THRB: variants seen among roughly 807,000 people sequenced by gnomAD.
The protein encoded by THRB is thyroid hormone receptor beta, also known as nuclear receptor subfamily 1 group A member 2.
In THRB, 12 loss-of-function variants were observed where a neutral mutation model predicts 47.8. The ratio of observed to expected loss-of-function variants is 0.25; its 90% CI spans 0.16 to 0.41. The LOEUF (loss-of-function observed/expected upper bound fraction) is 0.41, where lower values mean the gene tolerates loss of function less well. Among genes scored for constraint, THRB ranks in the 10% least tolerant of loss-of-function variants. The probability of loss-of-function intolerance (pLI) is 1.00; values close to 1 mark genes in which losing one functional copy is unlikely to be tolerated. For missense variants in THRB, 348 were observed against 589.2 expected (o/e 0.59, Z 4.24); for synonymous variants, 218 against 212.2 (o/e 1.03, Z -0.24).
At chr3:24,343,184 A>G (rs2062792478) in intron 1 of THRB, among the ~76,000 whole-genome samples, 1 of 152,070 alleles carries the variant, frequency 6.6e-6, no homozygotes, top group South Asian at 2.1e-4. Context: ...GGAATTCACA[A>G]CCCTCCTTAA....
At chr3:24,130,574 C>A (rs898305363) in intron 9 of THRB, among the ~76,000 whole-genome samples, 1 of 152,050 alleles carries the variant, frequency 6.6e-6, no homozygotes. Context: ...AGGGACACAG[C>A]CAGAGAGAGG....
chr3:24,412,371 G>A (rs2068374649), intron 1 of THRB, among the ~76,000 whole-genome samples: 4 of 151,686 alleles, frequency 2.6e-5, no homozygotes, highest in Admixed American at 2.6e-4. Context: ...TATATGAGAA[G>A]CTTTAAAAAA....
At chr3:24,305,915 C>A (rs1559883845) in intron 2 of THRB, among the ~76,000 whole-genome samples, 1 of 152,060 alleles carries the variant, frequency 6.6e-6, no homozygotes, top group South Asian at 2.1e-4. Context: ...ACTTTTTTTC[C>A]AAGACTGGGC....
intron 1 of THRB, among the ~76,000 whole-genome samples, chr3:24,467,626 G>C (rs1020062365): frequency 6.6e-6 from 1 of 152,200 alleles, no homozygotes; most frequent in African/African-American, 2.4e-5. Context: ...CAGCTCTTAG[G>C]TGACTAGATG....
intron 2 of THRB, among the ~76,000 whole-genome samples, chr3:24,321,219 A>G (rs1440364807): frequency 2.0e-5 from 3 of 152,156 alleles, no homozygotes; most frequent in Non-Finnish European, 4.4e-5. Context: ...GTGTTACTAT[A>G]ATGACCTAAT....
intron 4 of THRB, among the ~76,000 whole-genome samples, chr3:24,218,817 T>C (rs933702502): frequency 6.6e-6 from 1 of 152,158 alleles, no homozygotes; most frequent in African/African-American, 2.4e-5. Context: ...AATAACCCTA[T>C]GGGGACTGCT....
At chr3:24,326,635 A>G (rs1299824686) in intron 2 of THRB, among the ~76,000 whole-genome samples, 3 of 152,108 alleles carry the variant, frequency 2.0e-5, no homozygotes, top group East Asian at 1.9e-4. Flanking sequence ...TATTTATTTG[A>G]CAACGTGTTT....
At chr3:24,350,737 A>T (rs1260645167) in intron 1 of THRB, among the ~76,000 whole-genome samples, 2 of 152,096 alleles carry the variant, frequency 1.3e-5, no homozygotes, top group Non-Finnish European at 2.9e-5. Context: ...ATATAGGTGG[A>T]TTTGTTTTGT....
At chr3:24,256,920 T>C (rs2051347672) in intron 3 of THRB, among the ~76,000 whole-genome samples, 1 of 152,196 alleles carries the variant, frequency 6.6e-6, no homozygotes, top group African/African-American at 2.4e-5. Context: ...CATTTGAAGG[T>C]GGCCATCTGA....
chr3:24,146,934 G>A, intron 6 of THRB, 112 bp from the exon 7 acceptor site: 1 of 899,094 alleles, frequency 1.1e-6, no homozygotes, highest in South Asian at 1.4e-5. Flanking sequence ...ACCTTAACCT[G>A]TTTCTAGGCC....
chr3:24,451,328 G>T (rs1346848640), intron 1 of THRB, among the ~76,000 whole-genome samples: 2 of 146,448 alleles, frequency 1.4e-5, no homozygotes, highest in African/African-American at 5.1e-5. Flanking sequence ...CTGTCTCCCA[G>T]ATTCAAGCGA....
intron 1 of THRB, among the ~76,000 whole-genome samples, chr3:24,422,013 A>G (rs964377435): frequency 1.5e-4 from 23 of 151,972 alleles, no homozygotes; most frequent in Admixed American, 6.6e-5. Context: ...TTAAAGTAGC[A>G]TTTATGTGTC....
At chr3:24,182,990 TGA>T (rs2042100215) in intron 5 of THRB, among the ~76,000 whole-genome samples, 1 of 152,202 alleles carries the variant, frequency 6.6e-6, no homozygotes, top group South Asian at 2.1e-4. Flanking sequence ...CCAGATTGCC[TGA>T]GTTAGAATTC....
rs1215257362 is a variant in THRB, at chr3:24,181,393, A to C, written c.283+8681T>G. On this transcript the variant is annotated intron_variant, in intron 5 of 10. Transcript: ENST00000646209. Reference sequence around the variant, plus strand: ...AGGTTAAATAGCTGGTAAGCGTCAAAGCCAAGAACCAATGGTCATCTGTTC... The same window carrying C: ...AGGTTAAATAGCTGGTAAGCGTCAACGCCAAGAACCAATGGTCATCTGTTC... Among the ~76,000 whole-genome samples the C allele has an allele frequency of 2.0e-5, 3 of 152,238 alleles. No individual in the cohort carries two copies. In the East Asian group the frequency reaches 5.8e-4, roughly 29 times the overall value.
At chr3:24,200,454 T>C (rs954687133) in intron 4 of THRB, among the ~76,000 whole-genome samples, 1 of 152,236 alleles carries the variant, frequency 6.6e-6, no homozygotes, top group African/African-American at 2.4e-5. Context: ...ACTTGGGTAA[T>C]TAGATCAATG....
At chr3:24,458,676 G>A (rs2073412918) in intron 1 of THRB, 1 of 152,126 alleles carries the variant, frequency 6.6e-6, no homozygotes, top group Admixed American at 6.5e-5. Flanking sequence ...GCAACCTGAA[G>A]GAAAGAATGT....
chr3:24,380,898 T>C (rs745655158), intron 1 of THRB, among the ~76,000 whole-genome samples: 1 of 152,046 alleles, frequency 6.6e-6, no homozygotes, highest in African/African-American at 2.4e-5. Context: ...AGGTGGATCA[T>C]GAGGTCAAGA....
intron 1 of THRB, 106 bp downstream of exon 1, chr3:24,494,546 G>C (rs1249537319): frequency 6.6e-6 from 1 of 151,992 alleles, no homozygotes; most frequent in Non-Finnish European, 1.5e-5. Context: ...GCCCGCCCGC[G>C]CGCGCTCGGC....
At chr3:24,478,750 A>T (rs944933263) in intron 1 of THRB, among the ~76,000 whole-genome samples, 2 of 152,248 alleles carry the variant, frequency 1.3e-5, no homozygotes, top group South Asian at 4.1e-4. Context: ...ATTTGGAAAC[A>T]TCTCCCCCTA....
Sources: allele counts gnomAD v4.1 joint callset (sites outside exome capture counted in the v4.1 genomes callset), GRCh38; gene constraint gnomAD v4.1.1; transcripts MANE v1.5; gene names NCBI Gene and HGNC (gene_info 2026-07-23, HGNC 2026-07-21).